Variants in KCNK13 observed in about 807,000 individuals in gnomAD.
KCNK13 encodes the protein potassium channel subfamily K member 13.
A neutral mutation model predicts 23.4 loss-of-function variants in KCNK13; 12 were observed. The observed-to-expected ratio is 0.51, with a 90% CI of 0.33 to 0.83. The LOEUF is 0.83. KCNK13 is among the 40% of genes least tolerant of loss of function. The probability of loss-of-function intolerance (pLI) is 0.02; values close to 1 mark genes in which losing one functional copy is unlikely to be tolerated. For synonymous variants in KCNK13, 231 were observed against 229.5 expected (o/e 1.01, Z -0.06); for missense variants, 463 against 556.3 (o/e 0.83, Z 1.69).
chr14:90,183,066 A>G (rs139484364), intron 1 of KCNK13, among the ~76,000 whole-genome samples: 1 of 152,262 alleles, frequency 6.6e-6, no homozygotes, highest in Non-Finnish European at 1.5e-5. Context: ...TCCTGAATGT[A>G]TCATTGCTCT....
chr14:90,119,963 T>C (rs1024317084), intron 1 of KCNK13, among the ~76,000 whole-genome samples: 1 of 152,192 alleles, frequency 6.6e-6, no homozygotes, highest in African/African-American at 2.4e-5. Flanking sequence ...GTTTGTTATA[T>C]AAGTAAACTT....
At chr14:90,147,921 A>T (rs111329603) in intron 1 of KCNK13, among the ~76,000 whole-genome samples, 2 of 152,288 alleles carry the variant, frequency 1.3e-5, no homozygotes, top group East Asian at 3.9e-4. Flanking sequence ...CTGTAATCCC[A>T]GCACTTTGGG....
chr14:90,139,637 G>A lies in KCNK13; in HGVS notation c.335-44474G>A, dbSNP rs1194765923. Among the ~76,000 whole-genome samples, 6 of 152,292 alleles carry A rather than the reference G, an allele frequency of 3.9e-5. No homozygotes were observed. In the East Asian group the frequency reaches 1.2e-3, roughly 29 times the overall value. On this transcript the variant is annotated intron_variant, in intron 1 of 1. Transcript: ENST00000282146. ...TTTACTCTGACACTGGGAGGAAACA[G>A]TGTTGTACGTGAGCAAGAAAAGAAG...
intron 1 of KCNK13, among the ~76,000 whole-genome samples, chr14:90,142,313 C>CTTTTTTTTTTTTTTT (rs59863610): frequency 7.0e-5 from 6 of 85,252 alleles, no homozygotes; most frequent in African/African-American, 1.0e-4. Flanking sequence ...CTGTCCAATT[C>CTTTTTTTTTTTTTTT]TTTTTTTTTT....
chr14:90,143,686 G>C (rs976185938), intron 1 of KCNK13, among the ~76,000 whole-genome samples: 3 of 152,114 alleles, frequency 2.0e-5, no homozygotes, highest in African/African-American at 7.2e-5. Flanking sequence ...GCAGATCCTA[G>C]AACTAGGACA....
chr14:90,146,375 G>A (rs962845172), intron 1 of KCNK13, among the ~76,000 whole-genome samples: 31 of 152,260 alleles, frequency 2.0e-4, no homozygotes, highest in Non-Finnish European at 3.4e-4. Context: ...GAGTGCAGTG[G>A]TACAATCTTG....
chr14:90,176,268 C>T (rs574209931), intron 1 of KCNK13, among the ~76,000 whole-genome samples: 50 of 152,270 alleles, frequency 3.3e-4, no homozygotes, highest in Admixed American at 2.3e-3. Flanking sequence ...GTTTCCCCAC[C>T]GATAACTTGA....
intron 1 of KCNK13, among the ~76,000 whole-genome samples, chr14:90,081,850 T>C (rs972120293): frequency 1.3e-5 from 2 of 152,234 alleles, no homozygotes; most frequent in Non-Finnish European, 2.9e-5. Flanking sequence ...GATCCATTAA[T>C]GTCTTTCTCT....
At chr14:90,183,435 C>T (rs1284769791) in intron 1 of KCNK13, among the ~76,000 whole-genome samples, 2 of 149,212 alleles carry the variant, frequency 1.3e-5, no homozygotes, top group Non-Finnish European at 3.0e-5. Context: ...CACATACACC[C>T]TTCTTGCCTG....
intron 1 of KCNK13, among the ~76,000 whole-genome samples, chr14:90,152,331 T>G (rs1175156878): frequency 6.6e-6 from 1 of 151,762 alleles, no homozygotes; most frequent in Admixed American, 6.6e-5. Context: ...AGGTCGGGAG[T>G]TCCAGACCAG....
In KCNK13 at chr14:90,169,260, T is replaced by G. The variant is rs151071097; in HGVS notation, c.335-14851T>G. ...GTTTTAAGAAGTTTTATTTTGGGCA[T>G]ATATCTTTGGTGTCATCTGCAGGTG... On this transcript the variant is annotated intron_variant, in intron 1 of 1. Coordinates refer to ENST00000282146, the MANE Select transcript of KCNK13 (RefSeq NM_022054.4). 6.3e-3 allele frequency among the ~76,000 whole-genome samples: 961 copies of G among 152,300 alleles called. 7 individuals are homozygous for G. Among genetic ancestry groups the G allele is most frequent in the African/African-American group, 0.022 (927 of 41,566 alleles).
At chr14:90,156,191 TGA>T (rs975439545) in intron 1 of KCNK13, among the ~76,000 whole-genome samples, 1 of 102,412 alleles carries the variant, frequency 9.8e-6, no homozygotes, top group African/African-American at 4.0e-5. Flanking sequence ...GGTGACAGAG[TGA>T]GAGTCTGGCC....
chr14:90,130,672 G>A (rs1889857708), intron 1 of KCNK13, among the ~76,000 whole-genome samples: 1 of 152,056 alleles, frequency 6.6e-6, no homozygotes, highest in Admixed American at 6.5e-5. Context: ...AAATCAGCCA[G>A]GTGTGGTGGC....
intron 1 of KCNK13, among the ~76,000 whole-genome samples, chr14:90,135,612 C>A (rs1889927017): frequency 6.6e-6 from 1 of 152,142 alleles, no homozygotes; most frequent in Non-Finnish European, 1.5e-5. Context: ...CCTGTAATGT[C>A]ATTGGCAGGA....
Position 90,184,424 on chromosome 14 carries a change from C to T in KCNK13, c.648C>T (p.Tyr216=), listed in dbSNP as rs2140451178. ...TCTCTTGCTGCGCCTCAGCCATGTA[C>T]ACCCCCATTGAAGGCTGGAGCTACT... ...ILISCCASAM[Y]TPIEGWSYFD... is the part of the protein sequence containing the mutation. Residue 216 remains tyrosine, a synonymous_variant, in exon 2 of 2, where the codon TAC becomes TAT. Coordinates refer to ENST00000282146, the MANE Select transcript of KCNK13 (RefSeq NM_022054.4). This position sits in a 1 kb window ranked among gnomAD's most constrained non-coding sequence, Gnocchi z 5.6. The T allele has an allele frequency of 6.2e-7, 1 of 1,614,232 alleles. No homozygotes were observed. Among genetic ancestry groups the T allele is most frequent in the Non-Finnish European group, 8.5e-7 (1 of 1,180,048 alleles).
intron 1 of KCNK13, among the ~76,000 whole-genome samples, chr14:90,113,262 C>A (rs533124403): frequency 4.1e-4 from 62 of 151,984 alleles, no homozygotes; most frequent in African/African-American, 1.5e-3. Flanking sequence ...TACTGGTTTA[C>A]CTGCATGGAA....
At chr14:90,133,589 C>T (rs971586522) in intron 1 of KCNK13, among the ~76,000 whole-genome samples, 2 of 56,292 alleles carry the variant, frequency 3.6e-5, no homozygotes, top group African/African-American at 7.1e-5. Flanking sequence ...AGAACAAAAA[C>T]AAAACAGGCA....
chr14:90,181,393 G>A (rs1392522488), intron 1 of KCNK13, among the ~76,000 whole-genome samples: 2 of 152,172 alleles, frequency 1.3e-5, no homozygotes, highest in Non-Finnish European at 2.9e-5. Flanking sequence ...CTCATACATG[G>A]CACCTTCTTG....
chr14:90,115,854 A>G (rs1889670915), intron 1 of KCNK13, among the ~76,000 whole-genome samples: 1 of 152,188 alleles, frequency 6.6e-6, no homozygotes. Flanking sequence ...TATTTATTAA[A>G]AGCTCTTCAG....
Sources: allele counts gnomAD v4.1 joint callset (sites outside exome capture counted in the v4.1 genomes callset), GRCh38; gene constraint gnomAD v4.1.1; non-coding constraint Gnocchi (gnomAD v3.1); transcripts MANE v1.5; gene names NCBI Gene and HGNC (gene_info 2026-07-23, HGNC 2026-07-21).